Variants in WDR7 observed in about 807,000 individuals in gnomAD.
The protein encoded by WDR7 is WD repeat-containing protein 7.
A neutral mutation model predicts 169.4 loss-of-function variants in WDR7; 46 were observed. The observed-to-expected ratio is 0.27, with a 90% CI of 0.21 to 0.35. The LOEUF (loss-of-function observed/expected upper bound fraction) is 0.35. Among genes scored for constraint, WDR7 ranks in the 10% least tolerant of loss-of-function variants. WDR7 has a pLI of 1.00. For synonymous variants in WDR7, 612 were observed against 666.8 expected (o/e 0.92, Z 1.27); for missense variants, 1,534 against 1,859.3 (o/e 0.83, Z 3.22).
At chr18:56,770,197 CA>C in intron 16 of WDR7, among the ~76,000 whole-genome samples, 1 of 152,246 alleles carries the variant, frequency 6.6e-6, no homozygotes, top group East Asian at 1.9e-4. Flanking sequence ...GGAGAAAATC[CA>C]CAGGAGTGCA....
chr18:56,673,086 T>A (rs2025169782), intron 2 of WDR7, among the ~76,000 whole-genome samples: 1 of 152,094 alleles, frequency 6.6e-6, no homozygotes, highest in Non-Finnish European at 1.5e-5. Context: ...TGTCATTCCT[T>A]ACTACTATGG....
At chr18:56,865,882 A>G (rs1201246135) in intron 20 of WDR7, among the ~76,000 whole-genome samples, 1 of 152,198 alleles carries the variant, frequency 6.6e-6, no homozygotes, top group Non-Finnish European at 1.5e-5. Flanking sequence ...TACTAAATAT[A>G]TATAACATTA....
At chr18:57,008,426 T>G (rs939479957) in intron 26 of WDR7, among the ~76,000 whole-genome samples, 24 of 152,340 alleles carry the variant, frequency 1.6e-4, no homozygotes, top group African/African-American at 5.5e-4. Context: ...AGAAGGCGGC[T>G]TATAGCCTGG....
At position 56,862,299 on chromosome 18, in the gene WDR7, A is replaced by T. The variant is rs34090907; in HGVS notation, c.3305-17645A>T. The stretch of plus-strand genomic sequence containing the variant: ...AGTAATGCATTTTGAAGATATTTAC[A>T]TTATCAATAATGTTTATGTTGTAAT... On this transcript the variant is annotated intron_variant, in intron 20 of 27. Coordinates refer to ENST00000254442, the MANE Select transcript of WDR7 (RefSeq NM_015285.3). Among the ~76,000 whole-genome samples, 418 of 151,832 alleles carry T rather than the reference A, an allele frequency of 2.8e-3. 3 individuals carry two copies. The highest frequency in any genetic ancestry group is 9.4e-3 in the Admixed American group (143 of 15,240).
chr18:56,868,526 T>A (rs1179688141), intron 20 of WDR7, among the ~76,000 whole-genome samples: 2 of 152,294 alleles, frequency 1.3e-5, no homozygotes, highest in East Asian at 3.9e-4. Context: ...ATTCTACCAG[T>A]CCACCAAATG....
intron 16 of WDR7, among the ~76,000 whole-genome samples, chr18:56,768,755 G>A (rs1235637705): frequency 2.0e-5 from 3 of 152,066 alleles, no homozygotes; most frequent in Non-Finnish European, 4.4e-5. Context: ...GACTTACAAT[G>A]TCTTTTTAAG....
chr18:56,805,833 C>T (rs1171764259), intron 19 of WDR7, among the ~76,000 whole-genome samples: 1 of 152,130 alleles, frequency 6.6e-6, no homozygotes, highest in Non-Finnish European at 1.5e-5. Flanking sequence ...TTCAAATTTT[C>T]TGTTAGTACC....
intron 23 of WDR7, among the ~76,000 whole-genome samples, chr18:56,937,656 C>G (rs1308070594): frequency 6.6e-6 from 1 of 152,094 alleles, no homozygotes; most frequent in African/African-American, 2.4e-5. Context: ...GAGGCATGTT[C>G]ATATGGATTT....
At chr18:56,733,347 T>TA (rs2026628489) in intron 14 of WDR7, among the ~76,000 whole-genome samples, 2 of 152,196 alleles carry the variant, frequency 1.3e-5, no homozygotes, top group Admixed American at 1.3e-4. Context: ...AGTTTGAGGT[T>TA]CCTTCTGAAG....
intron 14 of WDR7, 83 bp from the exon 15 acceptor site, chr18:56,756,500 C>A: frequency 8.3e-7 from 1 of 1,203,494 alleles, no homozygotes; most frequent in Non-Finnish European, 1.1e-6. Flanking sequence ...ATGTTAATTC[C>A]TCTGATTATT....
intron 1 of WDR7, among the ~76,000 whole-genome samples, chr18:56,662,772 G>T (rs997993473): frequency 7.2e-5 from 11 of 152,034 alleles, no homozygotes; most frequent in African/African-American, 2.4e-4. Flanking sequence ...CAAGTTAAAT[G>T]ATATCATAAA....
chr18:56,726,178 A>G (rs1473376791), intron 13 of WDR7, among the ~76,000 whole-genome samples: 3 of 152,060 alleles, frequency 2.0e-5, no homozygotes, highest in African/African-American at 7.2e-5. Flanking sequence ...GTTTTTTCCA[A>G]TTTTGTGAAG....
intron 25 of WDR7, among the ~76,000 whole-genome samples, chr18:56,951,426 T>G (rs76188631): frequency 0.043 from 6,474 of 152,194 alleles, 461 homozygotes; most frequent in African/African-American, 0.14. Flanking sequence ...ACCTTGGCTT[T>G]CCCTTCTCTA....
chr18:57,021,260 G>A (rs1015766941), intron 27 of WDR7, among the ~76,000 whole-genome samples: 5 of 152,144 alleles, frequency 3.3e-5, no homozygotes, highest in Admixed American at 1.3e-4. Context: ...GGGGGCACAG[G>A]TGCATGAGTA....
intron 16 of WDR7, among the ~76,000 whole-genome samples, chr18:56,770,120 A>C (rs1394248621): frequency 1.3e-5 from 2 of 152,222 alleles, no homozygotes; most frequent in East Asian, 3.8e-4. Context: ...TCAGTATGTC[A>C]ATAACTACGT....
chr18:56,885,668 A>T (rs1230453113), intron 21 of WDR7, among the ~76,000 whole-genome samples: 1 of 150,986 alleles, frequency 6.6e-6, no homozygotes, highest in Non-Finnish European at 1.5e-5. Context: ...AAAAAAAAAA[A>T]TACAGAAAAT....
intron 14 of WDR7, among the ~76,000 whole-genome samples, chr18:56,753,593 C>T (rs2043827664): frequency 8.0e-6 from 1 of 125,306 alleles, no homozygotes; most frequent in Non-Finnish European, 1.7e-5. Context: ...CTTTCTCCCA[C>T]CCCCCTCCCC....
chr18:57,030,944 C>T (rs998903852), downstream of WDR7: 1 of 150,400 alleles, frequency 6.6e-6, no homozygotes, highest in African/African-American at 2.4e-5. Flanking sequence ...ATGAACTAAG[C>T]TCACAATTGT....
intron 5 of WDR7, 44 bp from the exon 6 acceptor site, chr18:56,685,912 T>TA: frequency 6.8e-7 from 1 of 1,480,484 alleles, no homozygotes; most frequent in Non-Finnish European, 9.3e-7. Context: ...AAAAGCGTAT[T>TA]ATGTTCGTAA....
Sources: allele counts gnomAD v4.1 joint callset (sites outside exome capture counted in the v4.1 genomes callset), GRCh38; gene constraint gnomAD v4.1.1; transcripts MANE v1.5; gene names NCBI Gene and HGNC (gene_info 2026-07-23, HGNC 2026-07-21).